DNAH8: variants seen among roughly 807,000 people sequenced by gnomAD.
DNAH8 encodes axonemal beta dynein heavy chain 8.
A neutral mutation model predicts 562.1 loss-of-function variants in DNAH8; 382 were observed. The ratio of observed to expected loss-of-function variants is 0.68; its 90% CI spans 0.63 to 0.74. DNAH8 has a LOEUF of 0.74. DNAH8 is among the 30% of genes least tolerant of loss of function. The pLI is 0.00. For missense variants in DNAH8, 5,203 were observed against 5,620.4 expected (o/e 0.93, Z 2.37); for synonymous variants, 1,881 against 1,919.4 (o/e 0.98, Z 0.52).
intron 17 of DNAH8, among the ~76,000 whole-genome samples, chr6:38,783,814 A>G (rs1307190857): frequency 1.3e-5 from 2 of 151,958 alleles, no homozygotes; most frequent in East Asian, 1.9e-4. Flanking sequence ...TATAATCTCA[A>G]CCCTAAACTC....
rs765968561 is a variant in DNAH8, at chr6:38,873,011, A to G, written c.7343A>G (p.Asp2448Gly). The change falls in exon 51 of 93, where the codon GAT becomes GGT. Residue 2448 changes from aspartate (D) to glycine (G), a missense_variant. Coordinates refer to ENST00000327475, the MANE Select transcript of DNAH8 (RefSeq NM_001206927.2). ...AAAACTCTGACGTTAGCTAATGGAGATCGCATTCCCATGGCCCCTAGTTGT... is the reference window on the plus strand; with the variant it reads ...AAAACTCTGACGTTAGCTAATGGAGGTCGCATTCCCATGGCCCCTAGTTGT... ...DNKTLTLANG[D>G]RIPMAPSCKL... 1.2e-6 allele frequency: 2 copies of G among 1,614,042 alleles called. No homozygotes were observed. Among genetic ancestry groups the G allele is most frequent in the South Asian group, 1.1e-5 (1 of 91,086 alleles).
chr6:38,928,215 A>C (rs1327920071), intron 74 of DNAH8: 2 of 152,226 alleles, frequency 1.3e-5, no homozygotes, highest in African/African-American at 2.4e-5. Flanking sequence ...ATAGTGTTTC[A>C]CAAGAAAAAT....
chr6:38,846,902 C>T (rs1042583801), intron 36 of DNAH8, among the ~76,000 whole-genome samples: 1 of 152,156 alleles, frequency 6.6e-6, no homozygotes. Flanking sequence ...TGTTTACAAA[C>T]TTCTAGGCCC....
chr6:39,026,432 G>C, intron 91 of DNAH8, 114 bp from the exon 92 acceptor site: 2 of 1,131,038 alleles, frequency 1.8e-6, no homozygotes, highest in South Asian at 3.2e-5. Context: ...AACTCCTTTT[G>C]AGATGGATGT....
At chr6:38,926,738 C>T (rs112519574) in intron 74 of DNAH8, among the ~76,000 whole-genome samples, 1,959 of 152,230 alleles carry the variant, frequency 0.013, 36 homozygotes, top group Middle Eastern at 0.037. Context: ...GTTTCCTAGA[C>T]ACTGTTCCCA....
chr6:38,809,118 C>T (rs1053912566), intron 24 of DNAH8, among the ~76,000 whole-genome samples: 3 of 151,498 alleles, frequency 2.0e-5, no homozygotes, highest in African/African-American at 7.3e-5. Context: ...AAATTGTGTT[C>T]CTTTTTTGGC....
intron 32 of DNAH8, among the ~76,000 whole-genome samples, chr6:38,835,466 C>G (rs1583140490): frequency 6.6e-6 from 1 of 152,102 alleles, no homozygotes; most frequent in Middle Eastern, 3.4e-3. Flanking sequence ...AGAGCTGTGA[C>G]CTAGGTATGT....
intron 24 of DNAH8, among the ~76,000 whole-genome samples, chr6:38,813,344 G>T (rs1455267811): frequency 6.6e-6 from 1 of 152,130 alleles, no homozygotes; most frequent in Non-Finnish European, 1.5e-5. Context: ...GGCCCTGAGT[G>T]CTAAAAGTTG....
chr6:38,827,678 A>AATAAATTATTAT (rs1223270947), intron 29 of DNAH8, among the ~76,000 whole-genome samples: 2 of 147,958 alleles, frequency 1.4e-5, no homozygotes, highest in African/African-American at 5.0e-5. Context: ...TTCAAGATAT[A>AATAAATTATTAT]ATAAATTATT....
chr6:38,978,992 T>C (rs968929557), intron 85 of DNAH8, among the ~76,000 whole-genome samples: 2 of 152,238 alleles, frequency 1.3e-5, no homozygotes, highest in Non-Finnish European at 2.9e-5. Flanking sequence ...TTGTCTGCAT[T>C]CCATGTCTTG....
At chr6:38,905,791 C>A (rs1256093838) in intron 62 of DNAH8, among the ~76,000 whole-genome samples, 1 of 152,178 alleles carries the variant, frequency 6.6e-6, no homozygotes, top group Non-Finnish European at 1.5e-5. Flanking sequence ...TGTTTTCTAG[C>A]AGGCACCATT....
intron 8 of DNAH8, among the ~76,000 whole-genome samples, chr6:38,749,142 A>C (rs1226799814): frequency 6.6e-6 from 1 of 152,128 alleles, no homozygotes; most frequent in Non-Finnish European, 1.5e-5. Context: ...TCAATGATAG[A>C]CTGGATAAAG....
At chr6:38,941,206 G>A (rs1783431622) in intron 79 of DNAH8, among the ~76,000 whole-genome samples, 2 of 152,104 alleles carry the variant, frequency 1.3e-5, no homozygotes, top group Non-Finnish European at 2.9e-5. Context: ...CAAAGCCATG[G>A]GAATGAAAGC....
chr6:38,716,073 C>T (rs1193537381), intron 1 of DNAH8, among the ~76,000 whole-genome samples: 3 of 149,038 alleles, frequency 2.0e-5, no homozygotes, highest in Non-Finnish European at 4.4e-5. Context: ...ATTCTCCTGC[C>T]TCAGCCTCCC....
chr6:38,845,644 C>A lies in DNAH8; in HGVS notation c.4916C>A (p.Thr1639Asn). Reference sequence around the variant, plus strand: ...CTGACTCAGGTGATTGAGAATTGGACCAACCAAAATCTGAGTTTTGCAGCA... The same window carrying A: ...CTGACTCAGGTGATTGAGAATTGGAACAACCAAAATCTGAGTTTTGCAGCA... The part of the protein sequence containing the change: ...AKLTQVIENW[T>N]NQNLSFAAFK... Residue 1639 changes from threonine (T) to asparagine (N), a missense_variant, in exon 36 of 93, where the codon ACC (threonine) becomes AAC (asparagine). Physicochemically the swap from Thr to Asn is moderately conservative, Grantham distance 65. This residue lies in a region of DNAH8 where 2,176 missense variants were observed against 2,365.1 expected (regional missense o/e 0.92). Transcript: ENST00000327475. 6.2e-7 allele frequency: 1 copy of A among 1,613,832 alleles called. No homozygotes were observed. The highest frequency in any genetic ancestry group is 8.5e-7 in the Non-Finnish European group (1 of 1,179,840).
intron 58 of DNAH8, among the ~76,000 whole-genome samples, chr6:38,893,271 T>C (rs1257660330): frequency 6.6e-6 from 1 of 152,232 alleles, no homozygotes; most frequent in Admixed American, 6.5e-5. Context: ...TTTTGATCCA[T>C]TCATGCCTTG....
chr6:38,870,070 G>A (rs904393078), intron 48 of DNAH8, among the ~76,000 whole-genome samples: 6 of 152,158 alleles, frequency 3.9e-5, no homozygotes, highest in East Asian at 1.9e-4. Flanking sequence ...GGGAACTCCC[G>A]TTTACAAAAC....
At chr6:39,027,697 G>A (rs1767388392) in intron 92 of DNAH8, among the ~76,000 whole-genome samples, 1 of 151,972 alleles carries the variant, frequency 6.6e-6, no homozygotes, top group Non-Finnish European at 1.5e-5. Flanking sequence ...GGTGGTGGCA[G>A]GCTGTAATGT....
chr6:38,730,839 A>T (rs558159042), intron 4 of DNAH8, among the ~76,000 whole-genome samples: 8 of 151,972 alleles, frequency 5.3e-5, no homozygotes, highest in Admixed American at 1.3e-4. Flanking sequence ...TGCATACTAG[A>T]GTTATTTCTT....
Sources: gnomAD v4.1 joint callset for allele counts (sites outside exome capture counted in the v4.1 genomes callset) on GRCh38, gnomAD v4.1.1 for gene constraint, gnomAD v4.1.1 regional missense constraint, MANE v1.5 for transcripts, NCBI Gene and HGNC (gene_info 2026-07-23, HGNC 2026-07-21) for gene names.